Variants in NEBL observed in about 807,000 individuals in gnomAD.
The protein encoded by NEBL is LIM and SH3 protein 2.
A neutral mutation model predicts 140.2 loss-of-function variants in NEBL; 122 were observed. The observed-to-expected ratio is 0.87, with a 90% CI of 0.75 to 1.01. The LOEUF (loss-of-function observed/expected upper bound fraction) is 1.01. Ranked by LOEUF, NEBL falls within the 50% of genes least tolerant of loss-of-function variation. The pLI is 0.00. For synonymous variants in NEBL, 436 were observed against 398.9 expected, an observed-to-expected ratio of 1.09 and a Z score of -1.11; for missense variants, 1,365 against 1,231.3, an observed-to-expected ratio of 1.11 and a Z score of -1.62.
chr10:21,080,488 TCAA>T (rs1836314768), intron 2 of NEBL, among the ~76,000 whole-genome samples: 1 of 152,242 alleles, frequency 6.6e-6, no homozygotes, highest in Non-Finnish European at 1.5e-5. Context: ...ATTGAATAAT[TCAA>T]CAACTATTCT....
intron 4 of NEBL, 90 bp downstream of exon 4, chr10:20,888,007 G>A (rs1300627902): frequency 4.4e-6 from 4 of 908,240 alleles, no homozygotes; most frequent in Non-Finnish European, 7.3e-6. Context: ...TAACACCCAT[G>A]ATGAAAACGT....
At chr10:21,291,744 C>T (rs144264841) in intron 1 of NEBL, among the ~76,000 whole-genome samples, 2,624 of 151,806 alleles carry the variant, frequency 0.017, 74 homozygotes, top group African/African-American at 0.059. Context: ...GAAACCCTGT[C>T]TCTACTAAAA....
intron 2 of NEBL, among the ~76,000 whole-genome samples, chr10:21,085,244 T>C (rs1337674936): frequency 6.6e-6 from 1 of 152,198 alleles, no homozygotes; most frequent in South Asian, 2.1e-4. Context: ...CTTCTGAGAT[T>C]TTACTAAGTC....
chr10:20,822,483 T>C (rs1839426788), intron 19 of NEBL, among the ~76,000 whole-genome samples: 1 of 151,740 alleles, frequency 6.6e-6, no homozygotes, highest in African/African-American at 2.4e-5. Flanking sequence ...TTTTGTGATT[T>C]GTTTTGCTTT....
At chr10:21,141,011 A>G (rs1166799142) in intron 2 of NEBL, among the ~76,000 whole-genome samples, 2 of 151,020 alleles carry the variant, frequency 1.3e-5, no homozygotes, top group African/African-American at 4.9e-5. Context: ...GAAACCCTGA[A>G]TCTAATCATG....
intron 22 of NEBL, among the ~76,000 whole-genome samples, 186 bp from the exon 23 acceptor site, chr10:20,814,229 G>A (rs1024513245): frequency 7.2e-5 from 11 of 151,904 alleles, no homozygotes; most frequent in South Asian, 2.1e-4. Context: ...CTCCTCCACC[G>A]CCTACTGCTA....
In NEBL at chr10:21,040,235, G is replaced by A. The variant is rs373487573; in HGVS notation, c.165-20034C>T. ...ACAAAAATTAGCTGGGTATGGTGGC[G>A]GGTGCCTGTAATCCCAGCTACTTGG... is the stretch of plus-strand genomic sequence containing the variant. On this transcript the variant is annotated intron_variant, in intron 2 of 6. Transcript: ENST00000417816. 8.9e-4 allele frequency among the ~76,000 whole-genome samples: 135 copies of A among 152,184 alleles called. 1 individual carries two copies. Among genetic ancestry groups the A allele is most frequent in the African/African-American group, 3.2e-3 (131 of 41,518 alleles).
chr10:20,781,311 G>T lies in NEBL; in HGVS notation c.*4436C>A, dbSNP rs868713095. On this transcript the variant is annotated 3_prime_UTR_variant, in exon 28 of 28. Transcript: ENST00000377122. Reference sequence around the variant, plus strand: ...CTGTTACACTCTCAAAGTTAGTCTCGCAAATTAATCATCAACCACAATTCT... The same window carrying T: ...CTGTTACACTCTCAAAGTTAGTCTCTCAAATTAATCATCAACCACAATTCT... 2 of 152,402 alleles carry T rather than the reference G, an allele frequency of 1.3e-5. No individual in the cohort carries two copies. The highest frequency in any genetic ancestry group is 2.9e-5 in the Non-Finnish European group (2 of 68,008). 9.4% of individuals were successfully genotyped at this position (152,402 alleles called of 1,614,324 possible).
At chr10:21,247,421 C>A (rs1330692590) in intron 3 of NEBL, among the ~76,000 whole-genome samples, 1 of 152,104 alleles carries the variant, frequency 6.6e-6, no homozygotes, top group African/African-American at 2.4e-5. Flanking sequence ...ATGATGAAAA[C>A]CAGATCGGTA....
At chr10:21,236,345 ATTTT>A (rs147170707) in intron 3 of NEBL, among the ~76,000 whole-genome samples, 4,053 of 125,324 alleles carry the variant, frequency 0.032, 68 homozygotes, top group Middle Eastern at 0.044. Context: ...CCTTTTTTTA[ATTTT>A]TTTTTTTTTT....
chr10:20,994,628 CAA>C (rs964134253), intron 3 of NEBL, among the ~76,000 whole-genome samples: 1 of 152,082 alleles, frequency 6.6e-6, no homozygotes, highest in Non-Finnish European at 1.5e-5. Flanking sequence ...TTTGGTCCCC[CAA>C]AAAACTTAAC....
At chr10:21,095,674 C>T (rs569208822) in intron 2 of NEBL, among the ~76,000 whole-genome samples, 4 of 152,144 alleles carry the variant, frequency 2.6e-5, no homozygotes, top group Non-Finnish European at 5.9e-5. Context: ...GAATTTGGGG[C>T]ACTTGGTGCT....
chr10:20,899,859 C>T (rs979887313), upstream of NEBL, among the ~76,000 whole-genome samples: 2 of 152,134 alleles, frequency 1.3e-5, no homozygotes, highest in Admixed American at 1.3e-4. Flanking sequence ...TTTAATGGAT[C>T]GTTTGGCAAG....
At chr10:21,290,238 T>A (rs755161828) in intron 1 of NEBL, among the ~76,000 whole-genome samples, 34 of 152,210 alleles carry the variant, frequency 2.2e-4, no homozygotes, top group Non-Finnish European at 4.3e-4. Context: ...TGAGTTGTAG[T>A]CAGAGTAAAG....
chr10:20,981,015 C>T (rs1837017222), intron 3 of NEBL, among the ~76,000 whole-genome samples: 1 of 152,098 alleles, frequency 6.6e-6, no homozygotes. Context: ...ATCTCAAACT[C>T]CTGGCCCCAA....
At chr10:21,013,113 G>A (rs1405378474) in intron 3 of NEBL, among the ~76,000 whole-genome samples, 3 of 152,148 alleles carry the variant, frequency 2.0e-5, no homozygotes, top group Non-Finnish European at 4.4e-5. Flanking sequence ...TCTGACTTAT[G>A]GGAAACTGTG....
intron 7 of NEBL, chr10:20,868,061 A>AAAAAC (rs1441708153): frequency 4.0e-5 from 6 of 151,586 alleles, no homozygotes; most frequent in African/African-American, 1.5e-4. Context: ...TTAAAAAAAA[A>AAAAAC]AAAAAACGCT....
chr10:21,206,401 C>T (rs1394453943), intron 3 of NEBL, among the ~76,000 whole-genome samples: 1 of 152,172 alleles, frequency 6.6e-6, no homozygotes. Context: ...ATTCAGAAGT[C>T]GTTCCTTTTA....
intron 4 of NEBL, among the ~76,000 whole-genome samples, chr10:20,916,267 A>C (rs905589703): frequency 1.3e-5 from 2 of 152,260 alleles, no homozygotes; most frequent in Non-Finnish European, 2.9e-5. Flanking sequence ...GAGAAACTGC[A>C]AAGTGGGGAA....
Sources: allele counts gnomAD v4.1 joint callset (sites outside exome capture counted in the v4.1 genomes callset), GRCh38; gene constraint gnomAD v4.1.1; transcripts MANE v1.5; gene names NCBI Gene and HGNC (gene_info 2026-07-23, HGNC 2026-07-21).